The following RBFOX1 variants were observed in gnomAD, a reference collection of about 807,000 sequenced individuals.
The protein encoded by RBFOX1 is RNA binding protein fox-1 homolog 1.
RBFOX1 carries 8 observed loss-of-function variants against 57.7 expected under a neutral mutation model. The observed-to-expected ratio is 0.14, with a 90% CI of 0.08 to 0.25. RBFOX1 has a LOEUF of 0.25. Among genes scored for constraint, RBFOX1 ranks in the 10% least tolerant of loss-of-function variants. The probability of loss-of-function intolerance (pLI) is 1.00; values close to 1 mark genes in which losing one functional copy is unlikely to be tolerated. For missense variants in RBFOX1, 611 were observed against 548.5 expected (o/e 1.11, Z -1.14); for synonymous variants, 326 against 222.4 (o/e 1.47, Z -4.15).
chr16:6,074,074 G>A (rs182150307), intron 1 of RBFOX1, among the ~76,000 whole-genome samples: 82 of 152,060 alleles, frequency 5.4e-4, no homozygotes, highest in African/African-American at 1.9e-3. Flanking sequence ...TCAGCCTCCC[G>A]AGTAGCTGGG....
intron 4 of RBFOX1, among the ~76,000 whole-genome samples, chr16:7,132,485 C>A (rs942291442): frequency 7.0e-6 from 1 of 142,424 alleles, no homozygotes; most frequent in Non-Finnish European, 1.5e-5. Flanking sequence ...CACACACAGT[C>A]ACTTTATCTT....
intron 5 of RBFOX1, among the ~76,000 whole-genome samples, chr16:7,544,677 G>A (rs973896404): frequency 1.3e-5 from 2 of 152,138 alleles, no homozygotes; most frequent in African/African-American, 4.8e-5. Context: ...TGAACTTCTG[G>A]CCTCTGGAAC....
chr16:6,648,907 G>A (rs150737016), intron 2 of RBFOX1, among the ~76,000 whole-genome samples: 50 of 152,232 alleles, frequency 3.3e-4, no homozygotes, highest in African/African-American at 1.2e-3. Flanking sequence ...ATTGTGGAAT[G>A]GCTAAATAGA....
At chr16:7,056,393 A>G (rs542579694) in intron 4 of RBFOX1, among the ~76,000 whole-genome samples, 11 of 152,292 alleles carry the variant, frequency 7.2e-5, no homozygotes, top group South Asian at 2.1e-4. Flanking sequence ...TTCTGGGGAC[A>G]TGGTCAGAGG....
At chr16:6,496,955 C>A (rs954923012) in intron 2 of RBFOX1, among the ~76,000 whole-genome samples, 1 of 151,826 alleles carries the variant, frequency 6.6e-6, no homozygotes, top group East Asian at 1.9e-4. Flanking sequence ...AGAGAAACTC[C>A]GTCTTCGGAA....
In RBFOX1 at chr16:7,427,710, A is replaced by G. The variant is rs573886859; in HGVS notation, c.28-90437A>G. Among the ~76,000 whole-genome samples the G allele has an allele frequency of 1.0e-3, 157 of 151,194 alleles. 2 individuals carry two copies. The highest frequency in any genetic ancestry group is 3.6e-3 in the African/African-American group (150 of 41,130). ...CCCAGGCTAGAGTGCATGGAGTGCA[A>G]TGGCTGGATCTCACCTCACTGCAAA... On this transcript the variant is annotated intron_variant, in intron 4 of 15. Coordinates refer to ENST00000550418, the MANE Select transcript of RBFOX1 (RefSeq NM_018723.4).
chr16:7,397,447 G>A (rs2098160680), intron 4 of RBFOX1, among the ~76,000 whole-genome samples: 1 of 152,086 alleles, frequency 6.6e-6, no homozygotes, highest in African/African-American at 2.4e-5. Context: ...CACATAGGGG[G>A]CATACTAAGT....
chr16:7,341,776 C>CCTTCCT lies in RBFOX1; in HGVS notation c.28-176371_28-176370insCTTCCT, dbSNP rs1555741398. ...CCTCCTTCCCTCCTTCCCTCCCTCC[C>CCTTCCT]TCCTTCCTTCCTTCCTTCCTTCCTT... On this transcript the variant is annotated intron_variant, in intron 4 of 15. Coordinates refer to ENST00000550418, the MANE Select transcript of RBFOX1 (RefSeq NM_018723.4). Among the ~76,000 whole-genome samples, 425 of 95,128 alleles carry CCTTCCT rather than the reference C, an allele frequency of 4.5e-3. 2 individuals carry two copies. The highest frequency in any genetic ancestry group is 0.013 in the African/African-American group (321 of 24,848). The allele number at this position is 95,128 out of a possible 152,430, so 62.4% of individuals were successfully genotyped here. A position where few individuals can be genotyped will look rare whatever the true frequency, so the allele number is the denominator to read the frequency against.
At chr16:6,765,121 C>T (rs1603617597) in intron 3 of RBFOX1, among the ~76,000 whole-genome samples, 2 of 151,904 alleles carry the variant, frequency 1.3e-5, no homozygotes, top group African/African-American at 4.8e-5. Context: ...GCTGATGGAA[C>T]AGCAAGTAAA....
chr16:6,069,565 C>T (rs948592173), intron 1 of RBFOX1, among the ~76,000 whole-genome samples: 2 of 152,060 alleles, frequency 1.3e-5, no homozygotes, highest in African/African-American at 2.4e-5. Flanking sequence ...TCAAAAGGAC[C>T]TTTAGACTCT....
At chr16:7,263,832 G>A (rs781420983) in intron 4 of RBFOX1, among the ~76,000 whole-genome samples, 20 of 151,810 alleles carry the variant, frequency 1.3e-4, no homozygotes, top group Admixed American at 2.0e-4. Flanking sequence ...CCCAGAAGGC[G>A]GAGGTTGTGG....
intron 1 of RBFOX1, among the ~76,000 whole-genome samples, chr16:5,416,987 G>T (rs2067179174): frequency 6.6e-6 from 1 of 152,144 alleles, no homozygotes. Context: ...GTAAAACCCA[G>T]CCCGCTGAAA....
chr16:7,413,201 C>G (rs935919155), intron 4 of RBFOX1, among the ~76,000 whole-genome samples: 1 of 152,122 alleles, frequency 6.6e-6, no homozygotes, highest in Non-Finnish European at 1.5e-5. Context: ...TCCCAGGACA[C>G]ACCATTGAGA....
chr16:7,052,380 T>C (rs2050396270), intron 4 of RBFOX1, among the ~76,000 whole-genome samples: 1 of 152,236 alleles, frequency 6.6e-6, no homozygotes. Context: ...ACTCTTTTTA[T>C]GTACAACACG....
intron 4 of RBFOX1, among the ~76,000 whole-genome samples, chr16:7,425,898 T>A (rs1467559128): frequency 2.0e-5 from 3 of 152,204 alleles, no homozygotes. Flanking sequence ...AAATGTATCA[T>A]TTTTTCCCCA....
At chr16:6,528,910 A>G (rs1392038132) in intron 2 of RBFOX1, among the ~76,000 whole-genome samples, 1 of 152,208 alleles carries the variant, frequency 6.6e-6, no homozygotes, top group Non-Finnish European at 1.5e-5. Context: ...TGTAGGGGCC[A>G]GAGGAATATT....
At chr16:6,522,977 CCTT>C (rs2096529173) in intron 2 of RBFOX1, among the ~76,000 whole-genome samples, 1 of 152,136 alleles carries the variant, frequency 6.6e-6, no homozygotes, top group African/African-American at 2.4e-5. Flanking sequence ...AGAACCAGCT[CCTT>C]CTTATCTTTT....
At chr16:7,475,419 A>G (rs572209235) in intron 4 of RBFOX1, among the ~76,000 whole-genome samples, 2 of 151,672 alleles carry the variant, frequency 1.3e-5, no homozygotes, top group African/African-American at 4.9e-5. Context: ...GGTTCAAGCA[A>G]TTCTCCTGCG....
intron 4 of RBFOX1, among the ~76,000 whole-genome samples, chr16:6,009,816 CTGTGTG>C (rs148472437): frequency 1.1e-4 from 17 of 148,532 alleles, no homozygotes; most frequent in Non-Finnish European, 2.2e-4. Context: ...GTGTGTGTGT[CTGTGTG>C]TGTGTGTGTG....
Sources: allele counts gnomAD v4.1 joint callset (sites outside exome capture counted in the v4.1 genomes callset), GRCh38; gene constraint gnomAD v4.1.1; transcripts MANE v1.5; gene names NCBI Gene and HGNC (gene_info 2026-07-23, HGNC 2026-07-21).